AKAP13: variants seen among roughly 807,000 people sequenced by gnomAD.
The protein encoded by AKAP13 is A-kinase anchoring protein 13, also known as A-kinase anchor protein 13.
AKAP13 carries 80 observed loss-of-function variants against 264.5 expected under a neutral mutation model. The ratio of observed to expected loss-of-function variants is 0.30; its 90% CI spans 0.25 to 0.36. The LOEUF is 0.36. Ranked by LOEUF, AKAP13 falls within the 10% of genes least tolerant of loss-of-function variation. AKAP13 has a pLI of 1.00. For synonymous variants in AKAP13, 1,380 were observed against 1,250.2 expected (o/e 1.10, Z -2.19); for missense variants, 3,712 against 3,435.2 (o/e 1.08, Z -2.01).
At chr15:85,531,675 C>T (rs2344436) in intron 3 of AKAP13, among the ~76,000 whole-genome samples, 79,286 of 152,004 alleles carry the variant, frequency 0.52, 21,119 homozygotes, top group Middle Eastern at 0.62. Context: ...CATGCATGTG[C>T]ACGTGCTCGC....
chr15:85,417,000 C>T (rs940994759), intron 1 of AKAP13, among the ~76,000 whole-genome samples: 20 of 152,122 alleles, frequency 1.3e-4, no homozygotes, highest in African/African-American at 2.9e-4. Flanking sequence ...AAATGAAATA[C>T]GGGATTTTTA....
chr15:85,597,679 A>G (rs558176588), intron 8 of AKAP13, among the ~76,000 whole-genome samples: 2 of 152,300 alleles, frequency 1.3e-5, no homozygotes, highest in East Asian at 3.9e-4. Flanking sequence ...TGGCTGGGCC[A>G]TGGGCAGATC....
At chr15:85,703,286 T>TA (rs1342004747) in intron 17 of AKAP13, among the ~76,000 whole-genome samples, 14 of 152,298 alleles carry the variant, frequency 9.2e-5, no homozygotes, top group South Asian at 8.3e-4. Context: ...AAAAGGAAGG[T>TA]AAAAAAAGAC....
intron 1 of AKAP13, among the ~76,000 whole-genome samples, chr15:85,466,127 G>GT (rs1238327340): frequency 6.6e-6 from 1 of 151,786 alleles, no homozygotes; most frequent in Non-Finnish European, 1.5e-5. Flanking sequence ...TTTTTCATGT[G>GT]TTTTTTGGCT....
Position 85,669,841 on chromosome 15 carries a change from T to C in AKAP13, c.5101+11T>C. ...ATCCTGGATTGGACAGTGAGTATAC[T>C]ACTTTTTAAAAAAATTAAATATATT... On this transcript the variant is annotated intron_variant, in intron 14 of 36. Coordinates refer to ENST00000394518, the MANE Select transcript of AKAP13 (RefSeq NM_007200.5). 6.4e-7 allele frequency: 1 copy of C among 1,556,004 alleles called. No homozygotes were observed. Among genetic ancestry groups the C allele is most frequent in the South Asian group, 1.1e-5 (1 of 87,448 alleles).
chr15:85,514,277 T>C lies in AKAP13; in HGVS notation c.34-7151T>C, dbSNP rs1229261223. Among the ~76,000 whole-genome samples the C allele has an allele frequency of 2.9e-5, 4 of 138,290 alleles. 1 individual carries two copies. Among genetic ancestry groups the C allele is most frequent in the African/African-American group, 1.2e-4 (4 of 34,306 alleles). 90.7% of individuals were successfully genotyped at this position (138,290 alleles called of 152,430 possible). A position where few individuals can be genotyped will look rare whatever the true frequency, so the allele number is the denominator to read the frequency against. ...CTGCTGTATAATTTATCTACTGTTA[T>C]TAATATGGACTCATGACTTCCTATT... On this transcript the variant is annotated intron_variant, in intron 2 of 36. Coordinates refer to ENST00000394518, the MANE Select transcript of AKAP13 (RefSeq NM_007200.5).
intron 5 of AKAP13, among the ~76,000 whole-genome samples, chr15:85,549,417 G>T (rs1454365607): frequency 6.6e-6 from 1 of 152,116 alleles, no homozygotes. Context: ...AAACATATTT[G>T]TCCTCATAAA....
chr15:85,589,063 T>C (rs1480057947), intron 8 of AKAP13, among the ~76,000 whole-genome samples: 3 of 152,214 alleles, frequency 2.0e-5, no homozygotes, highest in Admixed American at 2.0e-4. Flanking sequence ...CTTATAATGA[T>C]GTGAAATCTG....
intron 1 of AKAP13, among the ~76,000 whole-genome samples, chr15:85,400,827 A>C (rs1000821912): frequency 2.0e-5 from 3 of 150,222 alleles, no homozygotes; most frequent in Non-Finnish European, 4.4e-5. Context: ...TAGCTGATTA[A>C]TCATAATTTA....
At chr15:85,728,651 G>A (rs754813454) in intron 29 of AKAP13, among the ~76,000 whole-genome samples, 6 of 152,112 alleles carry the variant, frequency 3.9e-5, no homozygotes. Flanking sequence ...TCACAGAGAA[G>A]CTGGTGCATG....
chr15:85,428,758 G>C (rs2072905304), intron 1 of AKAP13, among the ~76,000 whole-genome samples: 1 of 152,186 alleles, frequency 6.6e-6, no homozygotes, highest in Admixed American at 6.5e-5. Flanking sequence ...GCTGTGGGTT[G>C]TCTACAGGAA....
intron 25 of AKAP13, 142 bp from the exon 26 acceptor site, chr15:85,722,930 C>G: frequency 9.1e-7 from 1 of 1,098,460 alleles, no homozygotes; most frequent in Non-Finnish European, 1.3e-6. Flanking sequence ...AGGATAGGCA[C>G]ATGATCTCTG....
At chr15:85,598,964 A>G (rs966207194) in intron 8 of AKAP13, among the ~76,000 whole-genome samples, 5 of 152,182 alleles carry the variant, frequency 3.3e-5, no homozygotes, top group African/African-American at 9.7e-5. Flanking sequence ...TTGTTTTGCT[A>G]TGAAACAGTT....
intron 10 of AKAP13, chr15:85,651,635 G>T (rs2082854559): frequency 6.6e-6 from 1 of 152,186 alleles, no homozygotes; most frequent in Admixed American, 6.5e-5. Flanking sequence ...GCACCCATCA[G>T]TGACTTTTGA....
chr15:85,520,535 C>G (rs957438866), intron 2 of AKAP13: 6 of 254,830 alleles, frequency 2.4e-5, no homozygotes, highest in African/African-American at 1.3e-4. Flanking sequence ...AACTGAAAGA[C>G]AAAGATGTCT....
At chr15:85,469,332 A>G (rs981907401) in intron 1 of AKAP13, among the ~76,000 whole-genome samples, 1 of 152,178 alleles carries the variant, frequency 6.6e-6, no homozygotes, top group Admixed American at 6.5e-5. Context: ...CTTCTAGAAT[A>G]GATAGACCTG....
chr15:85,598,078 A>G (rs80322273), intron 8 of AKAP13, among the ~76,000 whole-genome samples: 1,678 of 152,250 alleles, frequency 0.011, 18 homozygotes, highest in Middle Eastern at 0.044. Context: ...TTTTGACATC[A>G]TTAATTTCTT....
intron 25 of AKAP13, among the ~76,000 whole-genome samples, chr15:85,722,624 C>T (rs1385268917): frequency 6.6e-6 from 1 of 152,174 alleles, no homozygotes; most frequent in Non-Finnish European, 1.5e-5. Flanking sequence ...ATAATTTCCA[C>T]TAGTTATTCC....
At chr15:85,612,063 A>C (rs2080656004) in intron 8 of AKAP13, among the ~76,000 whole-genome samples, 1 of 152,206 alleles carries the variant, frequency 6.6e-6, no homozygotes, top group African/African-American at 2.4e-5. Flanking sequence ...CTAATGATTA[A>C]ACTTTACTGA....
Sources: gnomAD v4.1 joint callset for allele counts (sites outside exome capture counted in the v4.1 genomes callset) on GRCh38, gnomAD v4.1.1 for gene constraint, MANE v1.5 for transcripts, NCBI Gene and HGNC (gene_info 2026-07-23, HGNC 2026-07-21) for gene names.